NRG3: variants seen among roughly 807,000 people sequenced by gnomAD.
NRG3 encodes neuregulin 3, also known as pro-neuregulin-3, membrane-bound isoform.
In NRG3, 31 loss-of-function variants were observed where a neutral mutation model predicts 66.9. The observed-to-expected ratio is 0.46, with a 90% CI of 0.35 to 0.63. NRG3 has a LOEUF of 0.63. NRG3 is among the 20% of genes least tolerant of loss of function. The pLI is 0.00. For synonymous variants in NRG3, 393 were observed against 359.4 expected, an observed-to-expected ratio of 1.09 and a Z score of -1.06; for missense variants, 910 against 878.9, an observed-to-expected ratio of 1.04 and a Z score of -0.45.
intron 2 of NRG3, among the ~76,000 whole-genome samples, chr10:82,534,904 T>C (rs1359071937): frequency 2.0e-5 from 3 of 151,846 alleles, no homozygotes; most frequent in African/African-American, 4.8e-5. Context: ...GGCTCACACC[T>C]GTAATCCCAG....
intron 2 of NRG3, among the ~76,000 whole-genome samples, chr10:82,379,759 G>A (rs193258404): frequency 3.3e-5 from 5 of 152,072 alleles, no homozygotes; most frequent in Admixed American, 3.3e-4. Flanking sequence ...AACTGGGCCA[G>A]AAGTATAAAA....
intron 1 of NRG3, among the ~76,000 whole-genome samples, chr10:82,208,596 C>A (rs1357262187): frequency 6.6e-6 from 1 of 151,714 alleles, no homozygotes; most frequent in Non-Finnish European, 1.5e-5. Context: ...GTTCTTTGGT[C>A]TTCCCAGAGT....
intron 1 of NRG3, among the ~76,000 whole-genome samples, chr10:82,252,201 A>C (rs1335208736): frequency 1.3e-5 from 2 of 152,238 alleles, no homozygotes; most frequent in African/African-American, 4.8e-5. Flanking sequence ...ATTTAAGTCC[A>C]TGAATGAAGA....
chr10:82,376,132 CAAGG>C (rs2135789304), intron 2 of NRG3, among the ~76,000 whole-genome samples: 3 of 152,252 alleles, frequency 2.0e-5, no homozygotes, highest in Non-Finnish European at 4.4e-5. Flanking sequence ...GCATTTCTAA[CAAGG>C]GTCTGGGTTC....
chr10:81,876,170 A>G lies in NRG3; in HGVS notation c.823+7A>G, dbSNP rs1438099684. The G allele has an allele frequency of 1.3e-6, 2 of 1,568,472 alleles. No homozygotes were observed. Among genetic ancestry groups the G allele is most frequent in the Non-Finnish European group, 1.7e-6 (2 of 1,156,998 alleles). On this transcript the variant is annotated splice_region_variant and intron_variant, in intron 1 of 8. Transcript: ENST00000372141. ...AGCACCAGCCCCAAATTTCGTAAGT[A>G]AACACTGTGTCTCAACTATGATTTA... is the stretch of plus-strand genomic sequence containing the variant.
chr10:82,468,018 A>G (rs758706440), intron 2 of NRG3, among the ~76,000 whole-genome samples: 1 of 152,238 alleles, frequency 6.6e-6, no homozygotes. Flanking sequence ...CACCTGCTAT[A>G]TATGCCCCTG....
intron 2 of NRG3, among the ~76,000 whole-genome samples, chr10:82,507,351 G>A (rs1844779470): frequency 6.6e-6 from 1 of 152,082 alleles, no homozygotes; most frequent in South Asian, 2.1e-4. Context: ...GGTGAGAAGA[G>A]GAAGCTTATG....
chr10:82,870,058 C>A (rs187019113), intron 4 of NRG3, among the ~76,000 whole-genome samples: 59 of 136,414 alleles, frequency 4.3e-4, no homozygotes, highest in Non-Finnish European at 7.1e-4. Flanking sequence ...TTAGTAGAGA[C>A]GGGGTTTCAC....
At chr10:82,061,004 T>A (rs770120356) in intron 1 of NRG3, among the ~76,000 whole-genome samples, 3 of 152,220 alleles carry the variant, frequency 2.0e-5, no homozygotes, top group Non-Finnish European at 4.4e-5. Context: ...AATCTGGAAA[T>A]AGCTCCATAT....
chr10:82,682,951 T>A (rs2054219636), intron 2 of NRG3, among the ~76,000 whole-genome samples: 1 of 129,778 alleles, frequency 7.7e-6, no homozygotes, highest in African/African-American at 3.0e-5. Context: ...TCTTAATTTT[T>A]TTTTTTTTTT....
intron 1 of NRG3, among the ~76,000 whole-genome samples, chr10:82,105,141 C>G (rs2066981934): frequency 6.6e-6 from 1 of 151,986 alleles, no homozygotes; most frequent in African/African-American, 2.4e-5. Flanking sequence ...GAAATAGAAT[C>G]TTTGTTATTA....
intron 1 of NRG3, among the ~76,000 whole-genome samples, chr10:82,028,626 GCAAC>G: frequency 6.6e-6 from 1 of 152,016 alleles, no homozygotes; most frequent in Admixed American, 6.6e-5. Context: ...ACAGTGCAAA[GCAAC>G]ATTCTGCCCT....
intron 2 of NRG3, among the ~76,000 whole-genome samples, chr10:82,720,535 T>G (rs575740409): frequency 2.6e-5 from 4 of 152,176 alleles, no homozygotes; most frequent in South Asian, 4.1e-4. Context: ...CTTTAACATA[T>G]GCTTTTCATG....
chr10:82,530,837 A>G (rs1362717639), intron 2 of NRG3, among the ~76,000 whole-genome samples: 1 of 151,820 alleles, frequency 6.6e-6, no homozygotes, highest in African/African-American at 2.4e-5. Context: ...TAATCGAATG[A>G]GTTTATATTG....
intron 1 of NRG3, among the ~76,000 whole-genome samples, chr10:82,083,093 A>G (rs546148508): frequency 6.6e-6 from 1 of 152,072 alleles, no homozygotes; most frequent in African/African-American, 2.4e-5. Flanking sequence ...AGTGTGAGCC[A>G]CCATACCTGG....
chr10:82,967,151 A>ATG (rs1290476980), intron 6 of NRG3, among the ~76,000 whole-genome samples: 1 of 148,650 alleles, frequency 6.7e-6, no homozygotes, highest in Non-Finnish European at 1.5e-5. Flanking sequence ...ATATATATAT[A>ATG]TGTATATTTT....
chr10:82,124,039 T>G (rs1248250908), intron 1 of NRG3, among the ~76,000 whole-genome samples: 1 of 152,028 alleles, frequency 6.6e-6, no homozygotes, highest in Non-Finnish European at 1.5e-5. Flanking sequence ...ATACCACTAT[T>G]GCGATGTCAT....
At chr10:82,746,967 C>T (rs1047932973) in intron 3 of NRG3, among the ~76,000 whole-genome samples, 1 of 152,074 alleles carries the variant, frequency 6.6e-6, no homozygotes, top group East Asian at 1.9e-4. Context: ...CCTGTAGTCC[C>T]AGCTACTTGG....
chr10:82,602,923 G>A (rs910640422), intron 2 of NRG3, among the ~76,000 whole-genome samples: 1 of 152,180 alleles, frequency 6.6e-6, no homozygotes, highest in Non-Finnish European at 1.5e-5. Flanking sequence ...AGGAGACAAT[G>A]AGACTCAACC....
Sources: allele counts gnomAD v4.1 joint callset (sites outside exome capture counted in the v4.1 genomes callset), GRCh38; gene constraint gnomAD v4.1.1; transcripts MANE v1.5; gene names NCBI Gene and HGNC (gene_info 2026-07-23, HGNC 2026-07-21).